CNTN5: variants seen among roughly 807,000 people sequenced by gnomAD.
CNTN5 encodes the protein contactin 5.
In CNTN5, 77 loss-of-function variants were observed where a neutral mutation model predicts 129.1. The ratio of observed to expected loss-of-function variants is 0.60; its 90% CI spans 0.50 to 0.72. The LOEUF is 0.72. Among genes scored for constraint, CNTN5 ranks in the 30% least tolerant of loss-of-function variants. CNTN5 has a pLI of 0.00. For missense variants in CNTN5, 1,478 were observed against 1,328.8 expected (o/e 1.11, Z -1.75); for synonymous variants, 509 against 465.6 (o/e 1.09, Z -1.20).
At chr11:99,543,823 T>A (rs10893486) in intron 2 of CNTN5, among the ~76,000 whole-genome samples, 74,038 of 148,910 alleles carry the variant, frequency 0.5, 18,636 homozygotes, top group African/African-American at 0.58. Flanking sequence ...GAGGCTGCTG[T>A]GGCAGGAGAA....
chr11:100,319,153 CTTTT>C (rs1291858718), intron 21 of CNTN5, among the ~76,000 whole-genome samples: 3 of 137,388 alleles, frequency 2.2e-5, no homozygotes, highest in African/African-American at 2.7e-5. Context: ...TTTTTCTTTT[CTTTT>C]TTTTTTTTTT....
chr11:100,014,601 A>G (rs1471043463), intron 9 of CNTN5, among the ~76,000 whole-genome samples: 2 of 152,130 alleles, frequency 1.3e-5, no homozygotes, highest in African/African-American at 4.8e-5. Context: ...ATAATAAATT[A>G]AAAATTAAAA....
At chr11:99,780,253 T>G (rs1945267375) in intron 3 of CNTN5, among the ~76,000 whole-genome samples, 1 of 152,064 alleles carries the variant, frequency 6.6e-6, no homozygotes, top group Admixed American at 6.6e-5. Context: ...TTTCATACGT[T>G]AGTATATTTA....
At chr11:100,235,295 G>A (rs1402486186) in intron 16 of CNTN5, among the ~76,000 whole-genome samples, 1 of 152,110 alleles carries the variant, frequency 6.6e-6, no homozygotes, top group East Asian at 1.9e-4. Flanking sequence ...TGAATACTGA[G>A]TAGTAATTTA....
intron 3 of CNTN5, among the ~76,000 whole-genome samples, chr11:99,790,496 A>G (rs996811997): frequency 6.6e-6 from 1 of 152,120 alleles, no homozygotes. Context: ...TACAAAAGAC[A>G]TAGTAACATA....
intron 3 of CNTN5, among the ~76,000 whole-genome samples, chr11:99,812,485 G>A (rs374828489): frequency 6.6e-6 from 1 of 152,136 alleles, no homozygotes; most frequent in East Asian, 1.9e-4. Context: ...AATGTATTGA[G>A]TTCTTACTAT....
At chr11:100,196,233 G>A (rs895706191) in intron 15 of CNTN5, among the ~76,000 whole-genome samples, 7 of 152,000 alleles carry the variant, frequency 4.6e-5, no homozygotes, top group African/African-American at 1.7e-4. Context: ...CAGTGGGTGA[G>A]TGAATGAGGG....
chr11:99,131,807 A>C (rs1336055414), intron 1 of CNTN5, among the ~76,000 whole-genome samples: 1 of 152,176 alleles, frequency 6.6e-6, no homozygotes, highest in Non-Finnish European at 1.5e-5. Flanking sequence ...TTACAGCTGA[A>C]TTTTACGAGA....
chr11:99,544,107 A>G (rs1414385901), intron 2 of CNTN5, among the ~76,000 whole-genome samples: 1 of 152,090 alleles, frequency 6.6e-6, no homozygotes, highest in African/African-American at 2.4e-5. Flanking sequence ...TAAGCGTGGC[A>G]CTGGCATCTG....
intron 1 of CNTN5, among the ~76,000 whole-genome samples, chr11:99,272,055 A>G (rs1863197380): frequency 6.6e-6 from 1 of 151,952 alleles, no homozygotes; most frequent in Admixed American, 6.6e-5. Flanking sequence ...AGGTTTATAC[A>G]TAAAAACTTA....
intron 2 of CNTN5, among the ~76,000 whole-genome samples, chr11:99,519,233 T>G (rs764542276): frequency 6.6e-6 from 1 of 152,110 alleles, no homozygotes; most frequent in Non-Finnish European, 1.5e-5. Context: ...CTACTCACCC[T>G]TACGTTCTCA....
intron 2 of CNTN5, among the ~76,000 whole-genome samples, chr11:99,381,036 C>A (rs1161529488): frequency 1.3e-5 from 2 of 152,064 alleles, no homozygotes; most frequent in Non-Finnish European, 2.9e-5. Context: ...AGGACTCCAA[C>A]ATTTGAGTAG....
chr11:99,278,592 T>TC, intron 1 of CNTN5, among the ~76,000 whole-genome samples: 1 of 151,776 alleles, frequency 6.6e-6, no homozygotes, highest in South Asian at 2.1e-4. Context: ...TGCCTGATCT[T>TC]TCATAGGCAC....
intron 13 of CNTN5, among the ~76,000 whole-genome samples, chr11:100,180,973 C>T (rs1000712107): frequency 2.6e-5 from 4 of 151,926 alleles, no homozygotes; most frequent in Non-Finnish European, 5.9e-5. Flanking sequence ...AATGATACAG[C>T]CACCTTGAAA....
chr11:100,074,331 A>G (rs1248689740), intron 13 of CNTN5, 37 bp downstream of exon 13: 1 of 1,532,254 alleles, frequency 6.5e-7, no homozygotes, highest in South Asian at 1.2e-5. Context: ...TCAACATTAG[A>G]CTTTTTTGAG....
intron 15 of CNTN5, among the ~76,000 whole-genome samples, chr11:100,215,419 T>A (rs1251712276): frequency 1.3e-5 from 2 of 152,156 alleles, no homozygotes; most frequent in Non-Finnish European, 2.9e-5. Flanking sequence ...TCTACCACAG[T>A]GAACAAGTAG....
chr11:100,092,996 C>T (rs1944854028), intron 13 of CNTN5, among the ~76,000 whole-genome samples: 1 of 152,126 alleles, frequency 6.6e-6, no homozygotes, highest in Admixed American at 6.6e-5. Flanking sequence ...GTTCCATCCT[C>T]TTGCCTCATT....
At chr11:100,312,774 G>A (rs914265704) in intron 21 of CNTN5, among the ~76,000 whole-genome samples, 11 of 151,982 alleles carry the variant, frequency 7.2e-5, no homozygotes, top group Non-Finnish European at 1.2e-4. Flanking sequence ...TACTACAAAA[G>A]CATTAACTAT....
chr11:99,189,498 A>G (rs1858522832), intron 1 of CNTN5, among the ~76,000 whole-genome samples: 1 of 151,594 alleles, frequency 6.6e-6, no homozygotes, highest in African/African-American at 2.4e-5. Flanking sequence ...TTAAATTCCT[A>G]CCAACACTAT....
Sources: gnomAD v4.1 joint callset for allele counts (sites outside exome capture counted in the v4.1 genomes callset) on GRCh38, gnomAD v4.1.1 for gene constraint, MANE v1.5 for transcripts, NCBI Gene and HGNC (gene_info 2026-07-23, HGNC 2026-07-21) for gene names.